ASIC2: variants seen among roughly 807,000 people sequenced by gnomAD.
The protein encoded by ASIC2 is acid sensing ion channel subunit 2, also known as acid-sensing ion channel 2.
ASIC2 carries 25 observed loss-of-function variants against 57.3 expected under a neutral mutation model. The ratio of observed to expected loss-of-function variants is 0.44; its 90% CI spans 0.32 to 0.61. The LOEUF (loss-of-function observed/expected upper bound fraction) is 0.61, where lower values mean the gene tolerates loss of function less well. ASIC2 is among the 20% of genes least tolerant of loss of function. ASIC2 has a pLI of 0.06. For missense variants in ASIC2, 641 were observed against 738.1 expected (o/e 0.87, Z 1.52); for synonymous variants, 319 against 307.5 (o/e 1.04, Z -0.39).
chr17:33,971,986 T>G (rs1905239814), intron 1 of ASIC2, among the ~76,000 whole-genome samples: 1 of 152,154 alleles, frequency 6.6e-6, no homozygotes, highest in Admixed American at 6.5e-5. Flanking sequence ...AGTTACTAAG[T>G]GCTTTCCCAT....
chr17:34,093,586 C>T (rs930912118), intron 1 of ASIC2, among the ~76,000 whole-genome samples: 1 of 152,190 alleles, frequency 6.6e-6, no homozygotes, highest in Non-Finnish European at 1.5e-5. Context: ...GGACCTGATA[C>T]ACTTTGAATA....
chr17:33,045,852 T>C (rs1184444890), intron 3 of ASIC2, among the ~76,000 whole-genome samples: 2 of 152,250 alleles, frequency 1.3e-5, no homozygotes, highest in Non-Finnish European at 2.9e-5. Context: ...AGAAAATTCC[T>C]GAGTCCAACT....
At chr17:33,991,305 G>A (rs151022332) in intron 1 of ASIC2, among the ~76,000 whole-genome samples, 7 of 152,190 alleles carry the variant, frequency 4.6e-5, no homozygotes, top group African/African-American at 1.7e-4. Flanking sequence ...ATCAGAGAGG[G>A]GAAGTGACTC....
At chr17:34,080,913 A>T (rs1909854203) in intron 1 of ASIC2, 1 of 152,138 alleles carries the variant, frequency 6.6e-6, no homozygotes, top group South Asian at 2.1e-4. Flanking sequence ...ATTCAGAGTC[A>T]GCTGGAAAAA....
intron 1 of ASIC2, among the ~76,000 whole-genome samples, chr17:33,701,694 A>C (rs947366441): frequency 5.9e-5 from 9 of 152,196 alleles, no homozygotes; most frequent in African/African-American, 1.4e-4. Flanking sequence ...TTGCAGTGCT[A>C]CCTTGGATAA....
At chr17:33,606,248 A>G (rs1049465222) in intron 1 of ASIC2, among the ~76,000 whole-genome samples, 2 of 152,202 alleles carry the variant, frequency 1.3e-5, no homozygotes, top group African/African-American at 2.4e-5. Context: ...CAGGAGGACA[A>G]TGGGAGCAGC....
chr17:33,558,763 T>C (rs1024751608), intron 1 of ASIC2, among the ~76,000 whole-genome samples: 4 of 152,172 alleles, frequency 2.6e-5, no homozygotes, highest in African/African-American at 9.7e-5. Flanking sequence ...AGAGCCATAA[T>C]TTGTTGACCC....
chr17:33,398,313 A>T (rs1469828998), intron 1 of ASIC2, among the ~76,000 whole-genome samples: 1 of 152,204 alleles, frequency 6.6e-6, no homozygotes, highest in Non-Finnish European at 1.5e-5. Flanking sequence ...TGTTGAGTGA[A>T]TTAATAAATA....
At chr17:33,251,041 C>T (rs949004993) in intron 1 of ASIC2, among the ~76,000 whole-genome samples, 6 of 152,164 alleles carry the variant, frequency 3.9e-5, no homozygotes, top group Admixed American at 1.3e-4. Flanking sequence ...ATGTCAAATT[C>T]GCTGCATAGT....
chr17:33,437,338 C>T (rs548279941), intron 1 of ASIC2, among the ~76,000 whole-genome samples: 1 of 152,310 alleles, frequency 6.6e-6, no homozygotes, highest in Non-Finnish European at 1.5e-5. Flanking sequence ...TCACTATGCA[C>T]ACTTGAGTGA....
At chr17:33,526,807 C>G (rs555710020) in intron 1 of ASIC2, among the ~76,000 whole-genome samples, 1 of 151,300 alleles carries the variant, frequency 6.6e-6, no homozygotes, top group African/African-American at 2.4e-5. Context: ...CCACTGTAAA[C>G]AGTTCTGTGA....
At chr17:33,403,369 A>G (rs1325562034) in intron 1 of ASIC2, among the ~76,000 whole-genome samples, 2 of 152,184 alleles carry the variant, frequency 1.3e-5, no homozygotes, top group Non-Finnish European at 2.9e-5. Context: ...CTTTCCCATT[A>G]ACATTTGGGA....
At position 33,291,857 on chromosome 17, in the gene ASIC2, C is replaced by T. The variant is rs1385734473; in HGVS notation, c.259G>A (p.Ala87Thr). 3 of 1,608,802 alleles carry T rather than the reference C, an allele frequency of 1.9e-6. No individual in the cohort carries two copies. Among genetic ancestry groups the T allele is most frequent in the Non-Finnish European group, 2.5e-6 (3 of 1,179,438 alleles). Residue 87 changes from alanine to threonine, a missense_variant, in exon 1 of 10, where the codon GCG becomes ACG. Physicochemically the swap from Ala to Thr is moderately conservative, Grantham distance 58. This residue lies in a region of ASIC2 where 382 missense variants were observed against 398.0 expected (regional missense o/e 0.96). Coordinates refer to ENST00000225823, the MANE Select transcript of ASIC2 (RefSeq NM_183377.2). Reference protein sequence around the residue: ...TAAGGSFQRRALWVLAFCTSF... With the variant: ...TAAGGSFQRRTLWVLAFCTSF... ...GTACAGAAGGCCAGCACCCACAGCG[C>T]CCGCCGCTGGAAGGAGCCCCCAGCC...
intron 1 of ASIC2, chr17:34,038,698 A>G: frequency 6.3e-7 from 1 of 1,599,788 alleles, no homozygotes; most frequent in Admixed American, 1.7e-5. Flanking sequence ...TTTTAAGATG[A>G]CCTAATCTGA....
At chr17:33,353,158 T>C (rs531386317) in intron 1 of ASIC2, among the ~76,000 whole-genome samples, 6 of 152,260 alleles carry the variant, frequency 3.9e-5, no homozygotes, top group African/African-American at 1.4e-4. Flanking sequence ...TCTCATTAAT[T>C]TGGCATTTTT....
At chr17:33,831,783 C>T (rs1913121910) in intron 1 of ASIC2, among the ~76,000 whole-genome samples, 1 of 152,108 alleles carries the variant, frequency 6.6e-6, no homozygotes, top group African/African-American at 2.4e-5. Context: ...GCATGGCACA[C>T]TGTCAGGAGT....
At chr17:34,082,906 A>G (rs892044032) in intron 1 of ASIC2, among the ~76,000 whole-genome samples, 7 of 152,214 alleles carry the variant, frequency 4.6e-5, no homozygotes, top group African/African-American at 1.7e-4. Flanking sequence ...TGTCTCCTAC[A>G]ATGGGAAGAA....
intron 1 of ASIC2, among the ~76,000 whole-genome samples, chr17:33,765,344 G>A (rs1910904352): frequency 6.6e-6 from 1 of 152,058 alleles, no homozygotes; most frequent in Non-Finnish European, 1.5e-5. Context: ...TCCTGACCTC[G>A]TGATCCACCC....
At chr17:33,310,008 A>G (rs1336540117) in intron 1 of ASIC2, among the ~76,000 whole-genome samples, 1 of 150,530 alleles carries the variant, frequency 6.6e-6, no homozygotes, top group Non-Finnish European at 1.5e-5. Flanking sequence ...AAAGTTGAGT[A>G]ATAGAATAAT....
Sources: allele counts gnomAD v4.1 joint callset (sites outside exome capture counted in the v4.1 genomes callset), GRCh38; gene constraint gnomAD v4.1.1; regional missense constraint gnomAD v4.1.1; transcripts MANE v1.5; gene names NCBI Gene and HGNC (gene_info 2026-07-23, HGNC 2026-07-21).